PCDH12: variants seen among roughly 807,000 people sequenced by gnomAD.
PCDH12 encodes the protein protocadherin 12.
In PCDH12, 45 loss-of-function variants were observed where a neutral mutation model predicts 70.9. The ratio of observed to expected loss-of-function variants is 0.63; its 90% CI spans 0.50 to 0.81. The LOEUF (loss-of-function observed/expected upper bound fraction) is 0.81. PCDH12 is among the 40% of genes least tolerant of loss of function. PCDH12 has a pLI of 0.00. For missense variants in PCDH12, 1,370 were observed against 1,491.7 expected (o/e 0.92, Z 1.34); for synonymous variants, 567 against 626.0 (o/e 0.91, Z 1.41).
chr5:141,945,198 G>A lies in PCDH12; in HGVS notation c.*183C>T. 2 of 717,566 alleles carry A rather than the reference G, an allele frequency of 2.8e-6. 1 individual carries two copies. Among genetic ancestry groups the A allele is most frequent in the South Asian group, 3.6e-5 (2 of 56,114 alleles). The allele number at this position is 717,566 out of a possible 1,614,324, so 44.4% of individuals were successfully genotyped here. A position where few individuals can be genotyped will look rare whatever the true frequency, so the allele number is the denominator to read the frequency against. Reference sequence around the variant, plus strand: ...CCAAAAGACTCAGAGCTGCTTACAAGGGGCTGCTTTGGTCAGTCAGCTGTT... The same window carrying A: ...CCAAAAGACTCAGAGCTGCTTACAAAGGGCTGCTTTGGTCAGTCAGCTGTT... On this transcript the variant is annotated 3_prime_UTR_variant, in exon 4 of 4. Coordinates refer to ENST00000231484, the MANE Select transcript of PCDH12 (RefSeq NM_016580.4).
At position 141,956,363 on chromosome 5, in the gene PCDH12, A is replaced by T. The variant is rs368653685; in HGVS notation, c.1489T>A (p.Tyr497Asn). Residue 497 changes from tyrosine (Y) to asparagine (N), a missense_variant, in exon 1 of 4, where the codon TAC becomes AAC. Coordinates refer to ENST00000231484, the MANE Select transcript of PCDH12 (RefSeq NM_016580.4). ...GCAACTGGGGAGTCCTGGATGCGGT[A>T]TGAGACTTTTCCATTAATGCCCAAG... ...ADLGINGKVS[Y>N]RIQDSPVAHL... The T allele has an allele frequency of 6.2e-7, 1 of 1,614,230 alleles. No individual in the cohort carries two copies.
chr5:141,957,628 A>G lies in PCDH12; in HGVS notation c.224T>C (p.Leu75Pro), dbSNP rs767125689. ...AFQVLQLPQA[L>P]PIQVDSEEGL... ...TTCCTCAGAGTCCACCTGAATGGGG[A>G]GCGCCTGAGGCAGCTGCAACACCTG... Residue 75 changes from leucine (L) to proline (P), a missense_variant, in exon 1 of 4, where the codon CTC (leucine) becomes CCC (proline). Transcript: ENST00000231484. This position sits in a 1 kb window ranked among gnomAD's most constrained non-coding sequence, Gnocchi z 4.3. The G allele has an allele frequency of 6.2e-6, 10 of 1,614,018 alleles. No individual in the cohort carries two copies. In the African/African-American group the frequency reaches 1.3e-4, roughly 22 times the overall value.
chr5:141,951,449 C>T (rs1437954304), intron 2 of PCDH12, 44 bp downstream of exon 2: 2 of 1,438,736 alleles, frequency 1.4e-6, no homozygotes, highest in Non-Finnish European at 2.0e-6. Flanking sequence ...GAGGGGCGGC[C>T]AGTAGGGGCC....
At chr5:141,947,731 G>A (rs1213793478) in intron 3 of PCDH12, among the ~76,000 whole-genome samples, 3 of 152,242 alleles carry the variant, frequency 2.0e-5, no homozygotes, top group African/African-American at 4.8e-5. Flanking sequence ...GGGGCAATCT[G>A]AATCCGAAGC....
At chr5:141,953,826 G>A (rs182706989) in intron 1 of PCDH12, among the ~76,000 whole-genome samples, 1 of 152,362 alleles carries the variant, frequency 6.6e-6, no homozygotes, top group East Asian at 1.9e-4. Flanking sequence ...GTGGCTTCCT[G>A]AGGAGGGAAT....
intron 3 of PCDH12, among the ~76,000 whole-genome samples, chr5:141,949,019 G>A (rs1305723476): frequency 6.7e-6 from 1 of 149,418 alleles, no homozygotes; most frequent in Non-Finnish European, 1.5e-5. Context: ...TTGGAGACCA[G>A]CCTGGGCAAC....
chr5:141,957,681 C>T lies in PCDH12; in HGVS notation c.171G>A (p.Glu57=). 1 of 1,614,214 alleles carries T rather than the reference C, an allele frequency of 6.2e-7. No individual in the cohort carries two copies. Among genetic ancestry groups the T allele is most frequent in the Non-Finnish European group, 8.5e-7 (1 of 1,180,036 alleles). The change falls in exon 1 of 4, where the codon GAG becomes GAA. Residue 57 remains glutamate, a synonymous_variant. Transcript: ENST00000231484. This position sits in a 1 kb window ranked among gnomAD's most constrained non-coding sequence, Gnocchi z 4.3. ...GKLSQELGRE[E]RRRQAGAAFQ... ...AGGCAGCCCCAGCTTGCCTCCGCCT[C>T]TCCTCCCGGCCCAGTTCCTGGGACA...
intron 3 of PCDH12, among the ~76,000 whole-genome samples, chr5:141,946,876 A>T (rs1216851837): frequency 6.7e-6 from 1 of 149,778 alleles, no homozygotes; most frequent in East Asian, 2.0e-4. Flanking sequence ...TAAGTCTTGG[A>T]GTTAAGAAAC....
intron 1 of PCDH12, among the ~76,000 whole-genome samples, chr5:141,953,885 T>G (rs997402352): frequency 6.6e-6 from 1 of 152,228 alleles, no homozygotes; most frequent in African/African-American, 2.4e-5. Context: ...GCTGATAGCC[T>G]GGCCAAACAG....
rs1235203122 is a variant in PCDH12, at chr5:141,956,273, C to T, written c.1579G>A (p.Glu527Lys). The change falls in exon 1 of 4, where the codon GAG (glutamate) becomes AAG (lysine). Residue 527 changes from glutamate (E) to lysine (K), a missense_variant. Physicochemically the swap from Glu to Lys is moderately conservative, Grantham distance 56 (BLOSUM62 1). Coordinates refer to ENST00000231484, the MANE Select transcript of PCDH12 (RefSeq NM_016580.4). Reference protein sequence around the residue: ...VTAQRSLNYEEMAGFEFQVIA... With the variant: ...VTAQRSLNYEKMAGFEFQVIA... ...ACCTGGAACTCAAAGCCGGCCATCT[C>T]TTCATAGTTCAGTGACCTCTGAGCA... 3 of 1,614,232 alleles carry T rather than the reference C, an allele frequency of 1.9e-6. No homozygotes were observed. Among genetic ancestry groups the T allele is most frequent in the South Asian group, 1.1e-5 (1 of 91,088 alleles).
chr5:141,953,836 T>A (rs1262080446), intron 1 of PCDH12, among the ~76,000 whole-genome samples: 1 of 152,158 alleles, frequency 6.6e-6, no homozygotes, highest in Admixed American at 6.5e-5. Context: ...GAGGAGGGAA[T>A]AGGGAAGGAA....
chr5:141,945,609 A>G lies in PCDH12; in HGVS notation c.3327T>C (p.Phe1109=). Reference sequence around the variant, plus strand: ...CCAGCAGTGAGCTCATCTCCGAGACAAAGGTGCTGGCCAGCCTCGTGCCTG... The same window carrying G: ...CCAGCAGTGAGCTCATCTCCGAGACGAAGGTGCTGGCCAGCCTCGTGCCTG... ...SPTGTRLAST[F]VSEMSSLLEM... Residue 1109 remains phenylalanine (F), a synonymous_variant, in exon 4 of 4, where the codon TTT becomes TTC. Coordinates refer to ENST00000231484, the MANE Select transcript of PCDH12 (RefSeq NM_016580.4). The G allele has an allele frequency of 1.2e-6, 2 of 1,614,178 alleles. No individual in the cohort carries two copies. The highest frequency in any genetic ancestry group is 1.7e-6 in the Non-Finnish European group (2 of 1,180,030).
chr5:141,956,699 G>T lies in PCDH12; in HGVS notation c.1153C>A (p.His385Asn), dbSNP rs164075. ...LVMADDLDSG[H>N]NGLVHCWLSQ... ...AGCCAGCAGTGGACCAAACCATTGT[G>T]TCCTGAATCCAAGTCATCTGCCATG... The change falls in exon 1 of 4, where the codon CAC becomes AAC. Residue 385 changes from histidine (H) to asparagine (N), a missense_variant. Transcript: ENST00000231484. 0.56 allele frequency: 907,985 copies of T among 1,613,964 alleles called. 264,964 individuals carry two copies. Among genetic ancestry groups the T allele is most frequent in the African/African-American group, 0.88 (65,805 of 74,998 alleles).
At position 141,956,758 on chromosome 5, in the gene PCDH12, T is replaced by G. The variant is rs1305986613; in HGVS notation, c.1094A>C (p.Glu365Ala). Residue 365 changes from glutamate to alanine, a missense_variant, in exon 1 of 4, where the codon GAA becomes GCA. Transcript: ENST00000231484. ...TWASQPSLVS[E>A]ALPKDSFIAL... ...AATAAAACTGTCCTTGGGAAGAGCT[T>G]CTGACACCAGTGATGGCTGGGAGGC... 4 of 1,614,244 alleles carry G rather than the reference T, an allele frequency of 2.5e-6. No homozygotes were observed. The highest frequency in any genetic ancestry group is 3.4e-6 in the Non-Finnish European group (4 of 1,180,044).
intron 2 of PCDH12, 71 bp downstream of exon 2, chr5:141,951,422 A>G: frequency 1.7e-6 from 2 of 1,149,744 alleles, no homozygotes; most frequent in Non-Finnish European, 1.3e-6. Context: ...TTCCTCACTC[A>G]CAGAGGCTGC....
intron 1 of PCDH12, among the ~76,000 whole-genome samples, chr5:141,953,671 A>C (rs575324676): frequency 6.6e-6 from 1 of 152,334 alleles, no homozygotes; most frequent in Non-Finnish European, 1.5e-5. Context: ...CAGCCAGCAC[A>C]GTGTTCAGCA....
At position 141,951,771 on chromosome 5, in the gene PCDH12, C is replaced by CGA. The variant is rs1416454009; in HGVS notation, c.2881-182_2881-181insTC. On this transcript the variant is annotated intron_variant, in intron 1 of 3. Coordinates refer to ENST00000231484, the MANE Select transcript of PCDH12 (RefSeq NM_016580.4). Reference sequence around the variant, plus strand: ...AGACAGGGACCTGGGCGGGCAGGTCCCCTGCTCTGTCATGTCACCCCAGGA... The same window carrying CGA: ...AGACAGGGACCTGGGCGGGCAGGTCCGACCTGCTCTGTCATGTCACCCCAGGA... Among the ~76,000 whole-genome samples the CGA allele has an allele frequency of 4.7e-4, 71 of 152,340 alleles. 1 individual carries two copies. In the South Asian group the frequency reaches 0.013, roughly 28 times the overall value.
chr5:141,947,911 C>T (rs1345712424), intron 3 of PCDH12, among the ~76,000 whole-genome samples: 2 of 152,154 alleles, frequency 1.3e-5, no homozygotes, highest in African/African-American at 4.8e-5. Context: ...CAAGCAGGAC[C>T]GTGTGGGAAC....
chr5:141,955,265 G>C lies in PCDH12; in HGVS notation c.2587C>G (p.Leu863Val), dbSNP rs773668098. 6.2e-7 allele frequency: 1 copy of C among 1,614,208 alleles called. No homozygotes were observed. The highest frequency in any genetic ancestry group is 8.5e-7 in the Non-Finnish European group (1 of 1,180,032). ...PRQRNASREN[L>V]NLPEPQPATG... Reference sequence around the variant, plus strand: ...GCAGGCTGGGGCTCGGGAAGGTTCAGGTTCTCCCGGGAGGCATTCCTCTGC... The same window carrying C: ...GCAGGCTGGGGCTCGGGAAGGTTCACGTTCTCCCGGGAGGCATTCCTCTGC... The change falls in exon 1 of 4, where the codon CTG (leucine) becomes GTG (valine). Residue 863 changes from leucine (L) to valine (V), a missense_variant. Coordinates refer to ENST00000231484, the MANE Select transcript of PCDH12 (RefSeq NM_016580.4). The surrounding 1 kb of genome is among the most constrained non-coding windows in gnomAD (Gnocchi z 5.5).
Sources: allele counts gnomAD v4.1 joint callset (sites outside exome capture counted in the v4.1 genomes callset), GRCh38; gene constraint gnomAD v4.1.1; non-coding constraint Gnocchi (gnomAD v3.1); transcripts MANE v1.5; gene names NCBI Gene and HGNC (gene_info 2026-07-23, HGNC 2026-07-21).